LARS2: variants seen among roughly 807,000 people sequenced by gnomAD.
LARS2 encodes leucine--tRNA ligase, mitochondrial.
A neutral mutation model predicts 116.6 loss-of-function variants in LARS2; 81 were observed. The observed-to-expected ratio is 0.69, with a 90% CI of 0.58 to 0.84. The LOEUF (loss-of-function observed/expected upper bound fraction) is 0.84, where lower values mean the gene tolerates loss of function less well. Among genes scored for constraint, LARS2 ranks in the 40% least tolerant of loss-of-function variants. The pLI, the probability that LARS2 is intolerant of heterozygous loss-of-function variation, is 0.00. For missense variants in LARS2, 968 were observed against 1,114.5 expected (o/e 0.87, Z 1.87); for synonymous variants, 396 against 407.2 (o/e 0.97, Z 0.33).
intron 20 of LARS2, among the ~76,000 whole-genome samples, chr3:45,534,823 T>C (rs1299779939): frequency 6.6e-6 from 1 of 152,238 alleles, no homozygotes; most frequent in East Asian, 1.9e-4. Flanking sequence ...AGACCCAGCG[T>C]CTTGGCAGTT....
intron 15 of LARS2, among the ~76,000 whole-genome samples, chr3:45,508,549 A>G (rs1450982481): frequency 1.3e-5 from 2 of 152,064 alleles, no homozygotes; most frequent in Non-Finnish European, 2.9e-5. Flanking sequence ...TGAAAAGTCC[A>G]ATTTGGAGAC....
chr3:45,491,589 G>A lies in LARS2; in HGVS notation c.1312G>A (p.Asp438Asn), dbSNP rs1385241087. The stretch of plus-strand genomic sequence containing the variant: ...AGCCCGGGGGAAGAGAGTGGGTGGA[G>A]ACGTGACAAGTGATAAACTGAAAGA... ...QKARGKRVGG[D>N]VTSDKLKDWL... The change falls in exon 13 of 22, where the codon GAC (aspartate) becomes AAC (asparagine). Residue 438 changes from aspartate to asparagine, a missense_variant. Asp to Asn is a conservative substitution (Grantham distance 23). Coordinates refer to ENST00000645846, the MANE Select transcript of LARS2 (RefSeq NM_015340.4). 1 of 1,614,218 alleles carries A rather than the reference G, an allele frequency of 6.2e-7. No individual in the cohort carries two copies. The highest frequency in any genetic ancestry group is 1.7e-5 in the Admixed American group (1 of 60,032).
chr3:45,423,576 T>C (rs1452529939), intron 6 of LARS2, among the ~76,000 whole-genome samples: 1 of 152,192 alleles, frequency 6.6e-6, no homozygotes, highest in Non-Finnish European at 1.5e-5. Flanking sequence ...GCCGGTTTAC[T>C]GTTATATTGC....
intron 7 of LARS2, among the ~76,000 whole-genome samples, chr3:45,448,793 CT>C (rs932513489): frequency 6.6e-6 from 1 of 152,256 alleles, no homozygotes; most frequent in Non-Finnish European, 1.5e-5. Context: ...GTTTTCCCCC[CT>C]GGGCAGGCCA....
chr3:45,500,690 C>T lies in LARS2; in HGVS notation c.1760+111C>T, dbSNP rs557292702. The T allele has an allele frequency of 3.8e-6, 3 of 785,086 alleles. No individual in the cohort carries two copies. In the African/African-American group the frequency reaches 5.4e-5, roughly 14 times the overall value. 48.6% of individuals were successfully genotyped at this position (785,086 alleles called of 1,614,324 possible). ...ATGCATGTAGTAGAATACTAGTTTT[C>T]TAGTATGCTTTAGAGGTTGTCAACC... On this transcript the variant is annotated intron_variant, in intron 15 of 21. Coordinates refer to ENST00000645846, the MANE Select transcript of LARS2 (RefSeq NM_015340.4).
intron 20 of LARS2, among the ~76,000 whole-genome samples, chr3:45,527,346 C>T (rs111561920): frequency 0.036 from 5,436 of 152,156 alleles, 103 homozygotes; most frequent in Middle Eastern, 0.068. Flanking sequence ...CTTATCTTGC[C>T]GGGCGCGGTG....
chr3:45,449,106 A>G (rs549900356), intron 7 of LARS2, among the ~76,000 whole-genome samples: 2 of 151,870 alleles, frequency 1.3e-5, no homozygotes, highest in Admixed American at 1.3e-4. Flanking sequence ...GTGAGAGGGC[A>G]AGAGAGAGGG....
intron 15 of LARS2, among the ~76,000 whole-genome samples, chr3:45,512,881 G>A (rs1402562760): frequency 2.0e-5 from 3 of 152,212 alleles, no homozygotes; most frequent in Admixed American, 6.5e-5. Context: ...GCCAGGTGGG[G>A]TGGCTCACAC....
chr3:45,494,142 C>G (rs1189738590), intron 13 of LARS2, among the ~76,000 whole-genome samples: 1 of 152,140 alleles, frequency 6.6e-6, no homozygotes, highest in Non-Finnish European at 1.5e-5. Flanking sequence ...GAGACCACCA[C>G]TGTTCTCATT....
At position 45,524,566 on chromosome 3, in the gene LARS2, C is replaced by T. The variant is rs114381334; in HGVS notation, c.2404+458C>T. On this transcript the variant is annotated intron_variant, in intron 20 of 21. Coordinates refer to ENST00000645846, the MANE Select transcript of LARS2 (RefSeq NM_015340.4). ...TGACTGCCTGCTTGAATTTCAGCCC[C>T]TAGAACCCTCCACATCATTGGGACT... Among the ~76,000 whole-genome samples the T allele has an allele frequency of 3.6e-3, 542 of 152,288 alleles. 4 individuals are homozygous for T. The highest frequency in any genetic ancestry group is 0.013 in the African/African-American group (520 of 41,560).
intron 20 of LARS2, among the ~76,000 whole-genome samples, chr3:45,529,550 CAAAAA>C (rs796789532): frequency 1.0e-5 from 1 of 97,132 alleles, no homozygotes; most frequent in South Asian, 3.2e-4. Flanking sequence ...ACTCCATCTC[CAAAAA>C]AAAAAAAAAA....
At position 45,424,778 on chromosome 3, in the gene LARS2, T is replaced by A. The variant is rs1237095773; in HGVS notation, c.516+5049T>A. Among the ~76,000 whole-genome samples the A allele has an allele frequency of 2.6e-5, 4 of 152,250 alleles. No homozygotes were observed. The East Asian group carries it at 7.7e-4, about 29-fold the overall frequency. ...TTGCCTGGTGCTCAGTGACCACTTT[T>A]GATTAACAGTTGTAGGTCTTTCATT... On this transcript the variant is annotated intron_variant, in intron 6 of 21. Coordinates refer to ENST00000645846, the MANE Select transcript of LARS2 (RefSeq NM_015340.4).
At chr3:45,413,107 G>A (rs1000744469) in intron 4 of LARS2, among the ~76,000 whole-genome samples, 10 of 152,328 alleles carry the variant, frequency 6.6e-5, no homozygotes, top group African/African-American at 1.9e-4. Flanking sequence ...TGGTCCGTTC[G>A]GTTTGGGTAA....
chr3:45,425,080 T>A (rs1443541211), intron 6 of LARS2, among the ~76,000 whole-genome samples: 1 of 152,202 alleles, frequency 6.6e-6, no homozygotes, highest in African/African-American at 2.4e-5. Flanking sequence ...TTCTGAATCC[T>A]TTTGGCCAGA....
At chr3:45,535,083 C>T (rs1264365239) in intron 20 of LARS2, among the ~76,000 whole-genome samples, 1 of 152,104 alleles carries the variant, frequency 6.6e-6, no homozygotes, top group African/African-American at 2.4e-5. Context: ...AACAGGCACA[C>T]TGGCTCACTC....
intron 13 of LARS2, among the ~76,000 whole-genome samples, chr3:45,493,353 C>T (rs1699956671): frequency 6.6e-6 from 1 of 152,188 alleles, no homozygotes. Context: ...CCCGCCTAGG[C>T]CTCCCAAAGT....
chr3:45,542,187 C>A (rs1330086311), intron 21 of LARS2, among the ~76,000 whole-genome samples: 3 of 152,138 alleles, frequency 2.0e-5, no homozygotes, highest in South Asian at 4.1e-4. Flanking sequence ...ACTCTCATGG[C>A]CCTCAAGTGC....
At chr3:45,518,930 G>T (rs1342537236) in intron 18 of LARS2, among the ~76,000 whole-genome samples, 2 of 152,080 alleles carry the variant, frequency 1.3e-5, no homozygotes, top group Admixed American at 1.3e-4. Context: ...CTCTCTATGT[G>T]GAGGAACAGA....
intron 6 of LARS2, among the ~76,000 whole-genome samples, chr3:45,426,073 A>C (rs1698590860): frequency 6.6e-6 from 1 of 152,134 alleles, no homozygotes; most frequent in Non-Finnish European, 1.5e-5. Context: ...TTTATTTTAA[A>C]AGACAGCACG....
Sources: gnomAD v4.1 joint callset for allele counts (sites outside exome capture counted in the v4.1 genomes callset) on GRCh38, gnomAD v4.1.1 for gene constraint, MANE v1.5 for transcripts, NCBI Gene and HGNC (gene_info 2026-07-23, HGNC 2026-07-21) for gene names.